The following PDE4D variants were observed in gnomAD, a reference collection of about 807,000 sequenced individuals.
PDE4D encodes the protein phosphodiesterase 4D.
PDE4D carries 24 observed loss-of-function variants against 87.4 expected under a neutral mutation model. That is an observed-to-expected ratio of 0.27 (90% CI 0.20 to 0.39). The LOEUF is 0.39. Ranked by LOEUF, PDE4D falls within the 10% of genes least tolerant of loss-of-function variation. The pLI is 1.00. For missense variants in PDE4D, 714 were observed against 1,041.0 expected, an observed-to-expected ratio of 0.69 and a Z score of 4.32; for synonymous variants, 384 against 383.2, an observed-to-expected ratio of 1.00 and a Z score of -0.02.
chr5:59,751,537 TAAC>T (rs1760458411), intron 1 of PDE4D, among the ~76,000 whole-genome samples: 1 of 151,622 alleles, frequency 6.6e-6, no homozygotes, highest in East Asian at 1.9e-4. Flanking sequence ...TTAGGAAAGA[TAAC>T]ATCATCATGT....
At chr5:59,149,565 GAATGGA>G (rs1779154626) in intron 5 of PDE4D, among the ~76,000 whole-genome samples, 2 of 152,076 alleles carry the variant, frequency 1.3e-5, no homozygotes, top group Non-Finnish European at 2.9e-5. Flanking sequence ...AATGATACTG[GAATGGA>G]GATTTAGGAG....
intron 1 of PDE4D, chr5:60,262,576 C>G (rs918042901): frequency 6.6e-6 from 1 of 152,146 alleles, no homozygotes. Flanking sequence ...CACCCAATAT[C>G]CTGCAGAGAA....
intron 1 of PDE4D, among the ~76,000 whole-genome samples, chr5:59,689,438 T>C (rs1016087086): frequency 6.6e-6 from 1 of 152,106 alleles, no homozygotes; most frequent in African/African-American, 2.4e-5. Flanking sequence ...ATAAATGTAA[T>C]CCAGCATATA....
At chr5:59,697,857 G>C (rs888805221) in intron 1 of PDE4D, among the ~76,000 whole-genome samples, 2 of 152,178 alleles carry the variant, frequency 1.3e-5, no homozygotes, top group African/African-American at 4.8e-5. Context: ...CTGTTGAATT[G>C]TCCCAATGGA....
chr5:60,510,144 A>G (rs1750507285), intron 1 of PDE4D, among the ~76,000 whole-genome samples: 1 of 152,194 alleles, frequency 6.6e-6, no homozygotes, highest in Non-Finnish European at 1.5e-5. Flanking sequence ...CAGGGAATCA[A>G]AAAAGAGTGG....
In PDE4D at chr5:60,168,090, G is replaced by A. The variant is rs140398507; in HGVS notation, c.42+17467C>T. 7.7e-3 allele frequency among the ~76,000 whole-genome samples: 1,174 copies of A among 152,242 alleles called. 14 individuals are homozygous for A. Among genetic ancestry groups the A allele is most frequent in the African/African-American group, 0.027 (1,118 of 41,542 alleles). On this transcript the variant is annotated intron_variant, in intron 2 of 16. Transcript: ENST00000502484. ...TACTCTTAGCCTGGGATTGCTACCT[G>A]TGCAATCAGGTACAAAGCCCTGAGA... is the stretch of plus-strand genomic sequence containing the variant.
chr5:60,382,596 A>C, intron 1 of PDE4D, among the ~76,000 whole-genome samples: 1 of 152,120 alleles, frequency 6.6e-6, no homozygotes, highest in East Asian at 1.9e-4. Context: ...CCTTTAAATA[A>C]TGTTGCTGTC....
intron 1 of PDE4D, among the ~76,000 whole-genome samples, chr5:59,863,309 G>A (rs964105089): frequency 7.2e-5 from 11 of 152,002 alleles, no homozygotes; most frequent in African/African-American, 2.4e-4. Flanking sequence ...ATCAAAATCA[G>A]ATACCATGAT....
At chr5:59,378,607 T>C (rs1785152421) in intron 1 of PDE4D, among the ~76,000 whole-genome samples, 1 of 152,204 alleles carries the variant, frequency 6.6e-6, no homozygotes, top group African/African-American at 2.4e-5. Context: ...TATACTATGT[T>C]CACCCTTTTA....
chr5:60,225,237 T>C (rs940371629), intron 1 of PDE4D, among the ~76,000 whole-genome samples: 1 of 152,102 alleles, frequency 6.6e-6, no homozygotes, highest in Non-Finnish European at 1.5e-5. Context: ...ATCTTCATCA[T>C]TAGTCAACAG....
At chr5:59,357,692 T>C (rs1781605438) in intron 1 of PDE4D, among the ~76,000 whole-genome samples, 1 of 152,216 alleles carries the variant, frequency 6.6e-6, no homozygotes, top group African/African-American at 2.4e-5. Flanking sequence ...ATTAAATAAA[T>C]GATGAAAGCC....
chr5:60,504,687 G>T (rs1750247742), intron 1 of PDE4D, among the ~76,000 whole-genome samples: 1 of 152,162 alleles, frequency 6.6e-6, no homozygotes, highest in Admixed American at 6.5e-5. Context: ...CTTTTCAACA[G>T]TCTGCATCTT....
In PDE4D at chr5:59,920,994, C is replaced by A. The variant is rs1433833970; in HGVS notation, c.272+67494G>T. Among the ~76,000 whole-genome samples the A allele has an allele frequency of 2.6e-5, 4 of 152,110 alleles. No individual in the cohort carries two copies. In the East Asian group the frequency reaches 7.7e-4, roughly 29 times the overall value. On this transcript the variant is annotated intron_variant, in intron 3 of 16. Coordinates refer to the PDE4D transcript ENST00000502484. ...CAAACCTGCACGTTGTGCACATGTA[C>A]CCTAGAACTTAAAGTATATTAAAAA...
At chr5:59,806,861 A>T (rs1767794026) in intron 1 of PDE4D, among the ~76,000 whole-genome samples, 1 of 152,228 alleles carries the variant, frequency 6.6e-6, no homozygotes, top group Non-Finnish European at 1.5e-5. Context: ...ATATTTCAAA[A>T]CAATATATAG....
chr5:59,827,556 TACTC>T (rs1042921782), intron 1 of PDE4D, among the ~76,000 whole-genome samples: 2 of 152,172 alleles, frequency 1.3e-5, no homozygotes, highest in African/African-American at 2.4e-5. Context: ...TTTTGTCTAA[TACTC>T]ACTCAATTTT....
At chr5:60,307,433 C>T (rs1031422660) in intron 1 of PDE4D, among the ~76,000 whole-genome samples, 2 of 152,144 alleles carry the variant, frequency 1.3e-5, no homozygotes, top group African/African-American at 4.8e-5. Context: ...GACATATCAA[C>T]TCACTGAAGA....
chr5:59,661,097 T>TATATATATATATATATATATATATATATA (rs1561426172), intron 1 of PDE4D, among the ~76,000 whole-genome samples: 2 of 147,800 alleles, frequency 1.4e-5, no homozygotes, highest in African/African-American at 5.0e-5. Context: ...TATATATATA[T>TATATATATATATATATATATATATATATA]TTTGTCATCT....
At chr5:60,076,831 C>G (rs1267036531) in intron 2 of PDE4D, among the ~76,000 whole-genome samples, 1 of 152,200 alleles carries the variant, frequency 6.6e-6, no homozygotes, top group Non-Finnish European at 1.5e-5. Context: ...GGCAACACAG[C>G]AGGGTGCATG....
At chr5:59,659,096 C>T (rs753687114) in intron 1 of PDE4D, among the ~76,000 whole-genome samples, 4 of 152,128 alleles carry the variant, frequency 2.6e-5, no homozygotes, top group Non-Finnish European at 4.4e-5. Context: ...AGATTTTCAC[C>T]GTCAAAGGAG....
Sources: allele counts gnomAD v4.1 joint callset (sites outside exome capture counted in the v4.1 genomes callset), GRCh38; gene constraint gnomAD v4.1.1; transcripts MANE v1.5; gene names NCBI Gene and HGNC (gene_info 2026-07-23, HGNC 2026-07-21).